Variants in LTA4H observed in about 807,000 individuals in gnomAD.
The protein encoded by LTA4H is leukotriene A-4 hydrolase.
In LTA4H, 59 loss-of-function variants were observed where a neutral mutation model predicts 89.8. The ratio of observed to expected loss-of-function variants is 0.66; its 90% CI spans 0.53 to 0.82. LTA4H has a LOEUF of 0.82. Ranked by LOEUF, LTA4H falls within the 40% of genes least tolerant of loss-of-function variation. The pLI is 0.00. For synonymous variants in LTA4H, 227 were observed against 253.1 expected, an observed-to-expected ratio of 0.90 and a Z score of 0.98; for missense variants, 617 against 727.0, an observed-to-expected ratio of 0.85 and a Z score of 1.74.
At chr12:96,031,516 A>T (rs1950572365) in intron 1 of LTA4H, among the ~76,000 whole-genome samples, 1 of 152,228 alleles carries the variant, frequency 6.6e-6, no homozygotes, top group Non-Finnish European at 1.5e-5. Context: ...ACTTTTTAAG[A>T]AACGTGTTAA....
At chr12:96,035,670 A>T, upstream of LTA4H, 1 of 1,426,994 alleles carries the variant, frequency 7.0e-7, no homozygotes, top group Non-Finnish European at 9.2e-7. Context: ...TTAAAGTCAG[A>T]CGAGCGTTGG....
upstream of LTA4H, among the ~76,000 whole-genome samples, chr12:96,037,386 A>T (rs1592904631): frequency 1.3e-5 from 2 of 152,336 alleles, no homozygotes; most frequent in East Asian, 1.9e-4. Flanking sequence ...TTATTGTTTT[A>T]AAAAGGGCTA....
intron 15 of LTA4H, among the ~76,000 whole-genome samples, chr12:96,008,006 G>A (rs147978136): frequency 4.8e-4 from 73 of 152,250 alleles, no homozygotes; most frequent in Non-Finnish European, 8.5e-4. Context: ...AGAGCTAAAC[G>A]ACTGTATATT....
chr12:96,027,169 C>G (rs1950521518), intron 3 of LTA4H, among the ~76,000 whole-genome samples: 1 of 152,250 alleles, frequency 6.6e-6, no homozygotes, highest in African/African-American at 2.4e-5. Flanking sequence ...AGTACCTACT[C>G]TCTGCTAAGT....
At position 96,016,377 on chromosome 12, in the gene LTA4H, G is replaced by A. The variant is rs562900746; in HGVS notation, c.947+667C>T. On this transcript the variant is annotated intron_variant, in intron 10 of 18. Transcript: ENST00000228740. ...TATAATCTCAGCACTTTGGGAGGCC[G>A]AGGTGGGCGGATCACTTGAGCTCAG... Among the ~76,000 whole-genome samples the A allele has an allele frequency of 9.3e-5, 14 of 150,930 alleles. No individual in the cohort carries two copies. In the South Asian group the frequency reaches 2.7e-3, roughly 29 times the overall value.
chr12:96,035,271 G>C (rs1407405810), intron 1 of LTA4H, 90 bp downstream of exon 1: 34 of 1,370,110 alleles, frequency 2.5e-5, no homozygotes, highest in Non-Finnish European at 3.3e-5. Context: ...CCGCGGCGGG[G>C]TGAGCCGGAG....
chr12:96,017,898 T>C (rs1950400773), intron 8 of LTA4H, among the ~76,000 whole-genome samples: 1 of 152,220 alleles, frequency 6.6e-6, no homozygotes, highest in African/African-American at 2.4e-5. Context: ...TCACTTTCTT[T>C]CTCTCCTATT....
intron 13 of LTA4H, 21 bp downstream of exon 13, chr12:96,013,729 G>A (rs779792079): frequency 1.6e-5 from 19 of 1,219,160 alleles, no homozygotes; most frequent in Non-Finnish European, 2.1e-5. Flanking sequence ...ATGAAAAATA[G>A]AAAAGGTTTT....
chr12:96,026,510 TGA>T, intron 3 of LTA4H, among the ~76,000 whole-genome samples: 1 of 152,372 alleles, frequency 6.6e-6, no homozygotes, highest in East Asian at 1.9e-4. Context: ...CAGATATTTA[TGA>T]GATACAGATT....
At chr12:96,019,292 C>T (rs1323795895) in intron 6 of LTA4H, 52 bp from the exon 7 acceptor site, 2 of 1,484,000 alleles carry the variant, frequency 1.3e-6, no homozygotes, top group South Asian at 2.4e-5. Context: ...AATGATTCAT[C>T]TGGTTCTAAA....
chr12:96,013,984 C>A (rs977426382), intron 12 of LTA4H, 131 bp from the exon 13 acceptor site: 1 of 546,012 alleles, frequency 1.8e-6, no homozygotes, highest in Non-Finnish European at 3.3e-6. Flanking sequence ...TCTACGAGGA[C>A]TTTCAGAGTG....
In LTA4H at chr12:96,006,364, C is replaced by A. The variant is rs1004708761; in HGVS notation, c.1480G>T (p.Asp494Tyr). The change falls in exon 16 of 19, where the codon GAT (aspartate) becomes TAT (tyrosine). Residue 494 changes from aspartate (D) to tyrosine (Y), a missense_variant. Physicochemically the swap from Asp to Tyr is radical, Grantham distance 160 (BLOSUM62 -3). Transcript: ENST00000228740. Reference sequence around the variant, plus strand: ...TCATTCAATTGATGAGAAGAGAGATCCTTCAGGTCTGTGGCATTGAATGAA... The same window carrying A: ...TCATTCAATTGATGAGAAGAGAGATACTTCAGGTCTGTGGCATTGAATGAA... ...LNSFNATDLK[D>Y]LSSHQLNEFL... 2.5e-6 allele frequency: 4 copies of A among 1,611,948 alleles called. No individual in the cohort carries two copies. Among genetic ancestry groups the A allele is most frequent in the Non-Finnish European group, 2.5e-6 (3 of 1,179,024 alleles).
At chr12:96,017,844 A>T (rs992322564) in intron 8 of LTA4H, among the ~76,000 whole-genome samples, 2 of 152,202 alleles carry the variant, frequency 1.3e-5, no homozygotes, top group Non-Finnish European at 2.9e-5. Context: ...CTTCCATGAA[A>T]CATTTCTTCT....
At chr12:96,007,083 A>C (rs902167919) in intron 15 of LTA4H, among the ~76,000 whole-genome samples, 1 of 152,210 alleles carries the variant, frequency 6.6e-6, no homozygotes. Context: ...AATAGGACAG[A>C]AGGAAAAATT....
At chr12:96,028,781 T>C (rs1306340990) in intron 2 of LTA4H, among the ~76,000 whole-genome samples, 1 of 152,122 alleles carries the variant, frequency 6.6e-6, no homozygotes, top group Non-Finnish European at 1.5e-5. Context: ...GCCCCCACCA[T>C]CACTCTAGAT....
intron 16 of LTA4H, among the ~76,000 whole-genome samples, chr12:96,005,681 A>G (rs1279130745): frequency 6.6e-6 from 1 of 152,124 alleles, no homozygotes; most frequent in African/African-American, 2.4e-5. Context: ...CCCAGTTGGA[A>G]GAGTCTTTCA....
At chr12:96,033,573 T>C (rs1296218638) in intron 1 of LTA4H, among the ~76,000 whole-genome samples, 1 of 152,186 alleles carries the variant, frequency 6.6e-6, no homozygotes, top group Non-Finnish European at 1.5e-5. Flanking sequence ...TTTTTTATTA[T>C]TATACTTTAA....
intron 14 of LTA4H, chr12:96,011,633 C>T (rs555397982): frequency 1.3e-5 from 2 of 152,264 alleles, no homozygotes; most frequent in South Asian, 4.1e-4. Flanking sequence ...TTGATACATA[C>T]ATATTTGCTC....
intron 15 of LTA4H, among the ~76,000 whole-genome samples, chr12:96,008,504 TA>T (rs1403549170): frequency 1.3e-5 from 2 of 152,104 alleles, no homozygotes; most frequent in Non-Finnish European, 2.9e-5. Context: ...ATAAATGATT[TA>T]AAAGGAAAAG....
Sources: gnomAD v4.1 joint callset for allele counts (sites outside exome capture counted in the v4.1 genomes callset) on GRCh38, gnomAD v4.1.1 for gene constraint, MANE v1.5 for transcripts, NCBI Gene and HGNC (gene_info 2026-07-23, HGNC 2026-07-21) for gene names.